POC5: variants seen among roughly 807,000 people sequenced by gnomAD.
POC5 encodes POC5 centriolar protein, also known as centrosomal protein POC5.
POC5 carries 48 observed loss-of-function variants against 62.9 expected under a neutral mutation model. The ratio of observed to expected loss-of-function variants is 0.76; its 90% CI spans 0.61 to 0.97. The LOEUF is 0.97. POC5 is among the 50% of genes least tolerant of loss of function. The pLI, the probability that POC5 is intolerant of heterozygous loss-of-function variation, is 0.00. For missense variants in POC5, 696 were observed against 679.5 expected, an observed-to-expected ratio of 1.02 and a Z score of -0.27; for synonymous variants, 236 against 228.2, an observed-to-expected ratio of 1.03 and a Z score of -0.31.
intron 1 of POC5, 95 bp downstream of exon 1, chr5:75,717,211 G>C (rs2291631): frequency 6.6e-6 from 1 of 152,296 alleles, no homozygotes; most frequent in Non-Finnish European, 1.5e-5. Flanking sequence ...AGAGCCCAGG[G>C]GGAGGAAACA....
chr5:75,716,641 C>T (rs1327129457), intron 1 of POC5, among the ~76,000 whole-genome samples: 2 of 152,156 alleles, frequency 1.3e-5, no homozygotes, highest in South Asian at 2.1e-4. Flanking sequence ...GGGTGGCGGA[C>T]GCACATTAGT....
At chr5:75,684,299 T>C (rs1039226479) in intron 10 of POC5, among the ~76,000 whole-genome samples, 35 of 142,132 alleles carry the variant, frequency 2.5e-4, no homozygotes, top group African/African-American at 8.0e-4. Context: ...AAACACCCAA[T>C]AGTGTTCTTC....
Position 75,685,465 on chromosome 5 carries a change from A to G in POC5, c.1149T>C (p.Asn383=), listed in dbSNP as rs1776065407. 3.1e-6 allele frequency: 5 copies of G among 1,611,230 alleles called. No homozygotes were observed. The highest frequency in any genetic ancestry group is 4.2e-6 in the Non-Finnish European group (5 of 1,177,658). ...RNDAGIDSTN[N]KKEEYGPGVQ... is the part of the protein sequence containing the mutation. ...CACCAGGACCATACTCTTCCTTTTTATTATTTGTGGAGTCTATCCCTATAA... is the reference window on the plus strand; with the variant it reads ...CACCAGGACCATACTCTTCCTTTTTGTTATTTGTGGAGTCTATCCCTATAA... The change falls in exon 10 of 12, where the codon AAT becomes AAC. Residue 383 remains asparagine, a synonymous_variant. Coordinates refer to ENST00000428202, the MANE Select transcript of POC5 (RefSeq NM_001099271.2).
At chr5:75,704,496 T>A (rs974827530) in intron 4 of POC5, among the ~76,000 whole-genome samples, 18 of 152,330 alleles carry the variant, frequency 1.2e-4, no homozygotes, top group Non-Finnish European at 8.8e-5. Context: ...GGGCTAGTCA[T>A]ACTATGAAAT....
chr5:75,710,099 C>G (rs755420529), intron 2 of POC5, among the ~76,000 whole-genome samples: 1 of 152,132 alleles, frequency 6.6e-6, no homozygotes, highest in East Asian at 1.9e-4. Flanking sequence ...CAGTACCTGA[C>G]AATGCAAACA....
rs1024372161 is a variant in POC5 at position 75,699,089 on chromosome 5, G to A, written c.513+3516C>T. Reference sequence around the variant, plus strand: ...TGGCAATAATCAATAGCTTACCAATGAAAAAGAGTCCAGGACCAGATGGAT... The same window carrying A: ...TGGCAATAATCAATAGCTTACCAATAAAAAAGAGTCCAGGACCAGATGGAT... On this transcript the variant is annotated intron_variant, in intron 5 of 11. Transcript: ENST00000428202. Among the ~76,000 whole-genome samples, 3 of 152,156 alleles carry A rather than the reference G, an allele frequency of 2.0e-5. No individual in the cohort carries two copies. In the South Asian group the frequency reaches 6.2e-4, roughly 32 times the overall value.
chr5:75,711,517 T>G (rs768154113), intron 2 of POC5, among the ~76,000 whole-genome samples: 1 of 152,270 alleles, frequency 6.6e-6, no homozygotes, highest in Non-Finnish European at 1.5e-5. Flanking sequence ...GAGGGGCTTT[T>G]GTATTAAATG....
chr5:75,717,337 C>T lies in POC5; in HGVS notation c.-46G>A, dbSNP rs1742644345. The stretch of plus-strand genomic sequence containing the variant: ...CGCTCGCGACCAAATCCCGACTCCT[C>T]GCTCTGCGCCTCTTAGCCGCGTCGC... On this transcript the variant is annotated 5_prime_UTR_variant, in exon 1 of 12. Coordinates refer to ENST00000428202, the MANE Select transcript of POC5 (RefSeq NM_001099271.2). 1 of 152,282 alleles carries T rather than the reference C, an allele frequency of 6.6e-6. No homozygotes were observed. Among genetic ancestry groups the T allele is most frequent in the South Asian group, 2.1e-4 (1 of 4,838 alleles). 9.4% of individuals were successfully genotyped at this position (152,282 alleles called of 1,614,324 possible).
At chr5:75,705,017 T>C (rs574869152) in intron 4 of POC5, among the ~76,000 whole-genome samples, 8 of 152,116 alleles carry the variant, frequency 5.3e-5, no homozygotes, top group African/African-American at 1.4e-4. Context: ...CTGGGCAACA[T>C]AGTGAGATCC....
chr5:75,682,511 T>C (rs1172218900), intron 10 of POC5, among the ~76,000 whole-genome samples: 1 of 90,026 alleles, frequency 1.1e-5, no homozygotes, highest in Admixed American at 1.2e-4. Context: ...AGTGTTTTAT[T>C]TCTTTCTTTT....
chr5:75,682,091 G>A (rs1355670491), intron 10 of POC5, among the ~76,000 whole-genome samples: 1 of 152,244 alleles, frequency 6.6e-6, no homozygotes, highest in Non-Finnish European at 1.5e-5. Context: ...AATGGAGTGT[G>A]TATCTGTTTT....
chr5:75,686,487 T>A (rs1580008426), intron 9 of POC5, among the ~76,000 whole-genome samples: 1 of 152,214 alleles, frequency 6.6e-6, no homozygotes, highest in Non-Finnish European at 1.5e-5. Flanking sequence ...ATTTAAGAAG[T>A]TTAACAATGA....
At chr5:75,716,258 T>C (rs1261721311) in intron 1 of POC5, among the ~76,000 whole-genome samples, 1 of 151,918 alleles carries the variant, frequency 6.6e-6, no homozygotes, top group African/African-American at 2.4e-5. Flanking sequence ...ATAAAATAAG[T>C]GCATGTATCT....
At chr5:75,712,472 G>A in intron 2 of POC5, 2 of 1,581,000 alleles carry the variant, frequency 1.3e-6, no homozygotes, top group Admixed American at 3.4e-5. Flanking sequence ...AGAACACAAG[G>A]GAATCTTGAG....
At chr5:75,688,896 C>T in intron 9 of POC5, 116 bp downstream of exon 9, 1 of 1,011,060 alleles carries the variant, frequency 9.9e-7, no homozygotes, top group Admixed American at 3.7e-5. Flanking sequence ...AGAATAGCAG[C>T]ACCTGGATGA....
In POC5 at chr5:75,712,971, C is replaced by T; in HGVS notation, c.-14-20G>A. On this transcript the variant is annotated intron_variant, in intron 1 of 11. Transcript: ENST00000428202. ...AATGCTCTAAAACAGTAGAAGCTAA[C>T]TTTAGCTTTTTTCCTTGATATTTAA... 1 of 1,531,160 alleles carries T rather than the reference C, an allele frequency of 6.5e-7. No individual in the cohort carries two copies. Among genetic ancestry groups the T allele is most frequent in the Non-Finnish European group, 8.9e-7 (1 of 1,120,416 alleles). The allele number at this position is 1,531,160 out of a possible 1,614,324, so 94.8% of individuals were successfully genotyped here. A position where few individuals can be genotyped will look rare whatever the true frequency, so the allele number is the denominator to read the frequency against.
At chr5:75,679,143 A>G (rs549960389) in intron 10 of POC5, among the ~76,000 whole-genome samples, 2 of 152,168 alleles carry the variant, frequency 1.3e-5, no homozygotes, top group African/African-American at 4.8e-5. Context: ...TTAATTTTCA[A>G]TGCACATCCA....
intron 7 of POC5, among the ~76,000 whole-genome samples, chr5:75,690,957 G>A (rs867915905): frequency 6.6e-6 from 1 of 152,228 alleles, no homozygotes; most frequent in Non-Finnish European, 1.5e-5. Context: ...GGTGGTGGCT[G>A]TGGCTTCAGA....
chr5:75,697,866 G>A (rs1561474059), intron 5 of POC5, among the ~76,000 whole-genome samples: 2 of 148,154 alleles, frequency 1.3e-5, no homozygotes, highest in Non-Finnish European at 3.0e-5. Flanking sequence ...TAAAAGGATG[G>A]AGGAAGATCT....
Sources: gnomAD v4.1 joint callset for allele counts (sites outside exome capture counted in the v4.1 genomes callset) on GRCh38, gnomAD v4.1.1 for gene constraint, MANE v1.5 for transcripts, NCBI Gene and HGNC (gene_info 2026-07-23, HGNC 2026-07-21) for gene names.